Variants in AARD observed in about 807,000 individuals in gnomAD.
The protein encoded by AARD is alanine- and arginine-rich domain-containing protein.
Under a neutral mutation model 9.3 loss-of-function variants are expected in AARD, and 9 were observed. The observed-to-expected ratio is 0.97, with a 90% confidence interval of 0.58 to 1.69. The LOEUF is 1.69. Ranked by LOEUF, AARD falls within the 40% of genes most tolerant of loss-of-function variation. The pLI is 0.00. For missense variants in AARD, 236 were observed against 210.3 expected (o/e 1.12, Z -0.76); for synonymous variants, 91 against 93.8 (o/e 0.97, Z 0.17).
rs190884662 is a variant in AARD at position 116,938,574 on chromosome 8, G to C, written c.324+7G>C. 5.5e-5 allele frequency: 78 copies of C among 1,412,604 alleles called. No homozygotes were observed. The East Asian group carries it at 2.0e-3, about 37-fold the overall frequency. 87.5% of individuals were successfully genotyped at this position (1,412,604 alleles called of 1,614,324 possible). On this transcript the variant is annotated splice_region_variant and intron_variant, in intron 1 of 1. Coordinates refer to ENST00000378279, the MANE Select transcript of AARD (RefSeq NM_001025357.3). The stretch of plus-strand genomic sequence containing the variant: ...CAGGCTGCGGGCGGAGCTGGTGAGA[G>C]AGCGGGCTAGGCGGACGGCTCCCAG...
At chr8:116,939,243 A>G (rs1261847315) in intron 1 of AARD, among the ~76,000 whole-genome samples, 1 of 152,200 alleles carries the variant, frequency 6.6e-6, no homozygotes, top group African/African-American at 2.4e-5. Context: ...TCTCTTTTGC[A>G]CTGATTACTA....
chr8:116,940,502 TG>T (rs1813732843), intron 1 of AARD, among the ~76,000 whole-genome samples: 1 of 152,216 alleles, frequency 6.6e-6, no homozygotes, highest in South Asian at 2.1e-4. Flanking sequence ...CATTTTATCC[TG>T]GTCATAAAGA....
rs537617400 is a variant in AARD at position 116,940,723 on chromosome 8, T to C, written c.325-1835T>C. Reference sequence around the variant, plus strand: ...GTGTTGCAATTTATACTATTTTCTATTGTTTGACTGGGTTTTCTTAGTAAG... The same window carrying C: ...GTGTTGCAATTTATACTATTTTCTACTGTTTGACTGGGTTTTCTTAGTAAG... On this transcript the variant is annotated intron_variant, in intron 1 of 1. Transcript: ENST00000378279. Among the ~76,000 whole-genome samples the C allele has an allele frequency of 1.6e-4, 24 of 152,346 alleles. No homozygotes were observed. The East Asian group carries it at 4.6e-3, about 29-fold the overall frequency.
In AARD at chr8:116,942,999, CAAAAAAAA is replaced by C. The variant is rs55952851; in HGVS notation, c.*313_*320del. 2.7e-5 allele frequency: 1 copy of C among 36,760 alleles called. No individual in the cohort carries two copies. 2.3% of individuals were successfully genotyped at this position (36,760 alleles called of 1,614,324 possible). A position where few individuals can be genotyped will look rare whatever the true frequency, so the allele number is the denominator to read the frequency against. On this transcript the variant is annotated 3_prime_UTR_variant, in exon 2 of 2. Coordinates refer to ENST00000378279, the MANE Select transcript of AARD (RefSeq NM_001025357.3). ...TGGGTGACAGAGCAAGACTCCATCT[CAAAAAAAA>C]AAAAAAAAAAAAAAGCACACGCGAA...
intron 1 of AARD, among the ~76,000 whole-genome samples, chr8:116,941,137 G>A (rs1813740528): frequency 6.6e-6 from 1 of 152,158 alleles, no homozygotes; most frequent in South Asian, 2.1e-4. Flanking sequence ...ATACAATTAT[G>A]AATAATATAC....
chr8:116,939,796 C>T (rs555133625), intron 1 of AARD, among the ~76,000 whole-genome samples: 31 of 152,278 alleles, frequency 2.0e-4, no homozygotes, highest in Non-Finnish European at 3.1e-4. Context: ...GCAGGGTAGC[C>T]GGAGCCACCT....
In AARD at chr8:116,942,715, C is replaced by G; in HGVS notation, c.*14C>G. 6.2e-7 allele frequency: 1 copy of G among 1,611,234 alleles called. No homozygotes were observed. The highest frequency in any genetic ancestry group is 8.5e-7 in the Non-Finnish European group (1 of 1,179,070). Reference sequence around the variant, plus strand: ...AATCCGGAATAAAGAAATGCACACGCAAGGGCTGGGCGCGGTGGCTCACGC... The same window carrying G: ...AATCCGGAATAAAGAAATGCACACGGAAGGGCTGGGCGCGGTGGCTCACGC... On this transcript the variant is annotated 3_prime_UTR_variant, in exon 2 of 2. Transcript: ENST00000378279.
chr8:116,941,142 A>C (rs2130551821), intron 1 of AARD, among the ~76,000 whole-genome samples: 1 of 152,334 alleles, frequency 6.6e-6, no homozygotes, highest in Middle Eastern at 3.4e-3. Flanking sequence ...ATTATGAATA[A>C]TATACAGCCT....
intron 1 of AARD, 86 bp from the exon 2 acceptor site, chr8:116,942,469 ACTT>A: frequency 1.7e-6 from 2 of 1,161,980 alleles, no homozygotes; most frequent in Non-Finnish European, 2.3e-6. Flanking sequence ...TTTCCTACAA[ACTT>A]CTTATTTCTT....
intron 1 of AARD, among the ~76,000 whole-genome samples, chr8:116,940,304 G>A (rs1193526540): frequency 6.6e-6 from 1 of 152,118 alleles, no homozygotes; most frequent in African/African-American, 2.4e-5. Context: ...CTTAGACCAT[G>A]GGTATTGTTT....
Position 116,938,461 on chromosome 8 carries a change from G to A in AARD, c.218G>A (p.Arg73His). The A allele has an allele frequency of 6.3e-7, 1 of 1,596,484 alleles. No individual in the cohort carries two copies. Among genetic ancestry groups the A allele is most frequent in the Non-Finnish European group, 8.5e-7 (1 of 1,172,736 alleles). Residue 73 changes from arginine (R) to histidine (H), a missense_variant, in exon 1 of 2, where the codon CGC (arginine) becomes CAC (histidine). Arg to His is a conservative substitution (Grantham distance 29, BLOSUM62 0). Transcript: ENST00000378279. The part of the protein sequence containing the change: ...LTRAFQWAVQ[R>H]AISRRVQEAA... ...CGCGCCTTCCAGTGGGCGGTGCAGC[G>A]CGCGATCTCGAGGCGCGTGCAGGAG...
intron 1 of AARD, chr8:116,938,788 T>G (rs1486057182): frequency 1.7e-6 from 1 of 588,262 alleles, no homozygotes; most frequent in African/African-American, 2.0e-5. Context: ...GGTCTACCAG[T>G]GACATACCCA....
intron 1 of AARD, chr8:116,938,825 A>G: frequency 4.1e-6 from 2 of 487,362 alleles, no homozygotes; most frequent in Non-Finnish European, 6.9e-6. Flanking sequence ...ACCCGTTTCT[A>G]TAGTTTTCTG....
chr8:116,938,562 G>T lies in AARD; in HGVS notation c.319G>T (p.Glu107Ter). The T allele has an allele frequency of 3.5e-6, 5 of 1,420,924 alleles. No homozygotes were observed. Among genetic ancestry groups the T allele is most frequent in the Non-Finnish European group, 4.6e-6 (5 of 1,098,630 alleles). The allele number at this position is 1,420,924 out of a possible 1,614,324, so 88.0% of individuals were successfully genotyped here. A position where few individuals can be genotyped will look rare whatever the true frequency, so the allele number is the denominator to read the frequency against. ...GGCCACCCTGGCCAGGCTGCGGGCG[G>T]AGCTGGTGAGAGAGCGGGCTAGGCG... The part of the protein sequence containing the change: ...VEATLARLRA[E>*]LVEMHFQNHQ... The change falls in exon 1 of 2, where the codon GAG becomes TAG. Residue 107 changes from glutamate to a stop codon, truncating the protein, a stop_gained. Coordinates refer to ENST00000378279, the MANE Select transcript of AARD (RefSeq NM_001025357.3). LOFTEE classifies it low-confidence loss of function (END_TRUNC).
chr8:116,941,717 T>G (rs71530846), intron 1 of AARD, among the ~76,000 whole-genome samples: 1,796 of 152,334 alleles, frequency 0.012, 21 homozygotes, highest in Non-Finnish European at 0.019. Context: ...GAATATTTGC[T>G]TTTTACCAAC....
In AARD at chr8:116,938,485, AGGCGGCGGC is replaced by A. The variant is rs575118752; in HGVS notation, c.256_264del (p.Ala86_Ala88del). On this transcript the variant is annotated inframe_deletion, in exon 1 of 2. Transcript: ENST00000378279. ...CGCGCGATCTCGAGGCGCGTGCAGG[AGGCGGCGGC>A]GGCGGCGGCGGCGCGGGAGGAGCAG... The A allele has an allele frequency of 4.7e-5, 74 of 1,558,930 alleles. No homozygotes were observed. Among genetic ancestry groups the A allele is most frequent in the African/African-American group, 5.5e-5 (4 of 72,082 alleles).
intron 1 of AARD, among the ~76,000 whole-genome samples, chr8:116,942,018 CCA>C (rs1419455050): frequency 6.6e-6 from 1 of 152,088 alleles, no homozygotes; most frequent in African/African-American, 2.4e-5. Flanking sequence ...AGATTTCACT[CCA>C]GAGTGAAAAA....
In AARD at chr8:116,944,439, A is replaced by C. The variant is rs1813786660; in HGVS notation, c.*1738A>C. On this transcript the variant is annotated 3_prime_UTR_variant, in exon 2 of 2. Coordinates refer to ENST00000378279, the MANE Select transcript of AARD (RefSeq NM_001025357.3). ...CAGAGGGGGACTTGGCCTCGAAAAAATAAATAAATAATAAAAATAAAATAA... is the reference window on the plus strand; with the variant it reads ...CAGAGGGGGACTTGGCCTCGAAAAACTAAATAAATAATAAAAATAAAATAA... The C allele has an allele frequency of 6.6e-6, 1 of 152,186 alleles. No individual in the cohort carries two copies. The highest frequency in any genetic ancestry group is 6.5e-5 in the Admixed American group (1 of 15,282). 9.4% of individuals were successfully genotyped at this position (152,186 alleles called of 1,614,324 possible). A position where few individuals can be genotyped will look rare whatever the true frequency, so the allele number is the denominator to read the frequency against.
Position 116,938,352 on chromosome 8 carries a change from T to G in AARD, c.109T>G (p.Phe37Val). 6.2e-7 allele frequency: 1 copy of G among 1,613,004 alleles called. No homozygotes were observed. The highest frequency in any genetic ancestry group is 8.5e-7 in the Non-Finnish European group (1 of 1,179,930). Residue 37 changes from phenylalanine (F) to valine (V), a missense_variant, in exon 1 of 2, where the codon TTC becomes GTC. Phe to Val is a conservative substitution (Grantham distance 50). Transcript: ENST00000378279. Reference protein sequence around the residue: ...WFPPRPACDFFGDGRSTDIQE... With the variant: ...WFPPRPACDFVGDGRSTDIQE... ...CCCACCTCGTCCCGCGTGCGACTTCTTCGGGGACGGCAGGAGCACGGACAT... is the reference window on the plus strand; with the variant it reads ...CCCACCTCGTCCCGCGTGCGACTTCGTCGGGGACGGCAGGAGCACGGACAT...
Sources: gnomAD v4.1 joint callset for allele counts (sites outside exome capture counted in the v4.1 genomes callset) on GRCh38, gnomAD v4.1.1 for gene constraint, MANE v1.5 for transcripts, NCBI Gene and HGNC (gene_info 2026-07-23, HGNC 2026-07-21) for gene names.